The following CSMD2 variants were observed in gnomAD, a reference collection of about 807,000 sequenced individuals.
The protein encoded by CSMD2 is CUB and sushi domain-containing protein 2.
A neutral mutation model predicts 398.5 loss-of-function variants in CSMD2; 130 were observed. The observed-to-expected ratio is 0.33, with a 90% CI of 0.28 to 0.38. CSMD2 has a LOEUF of 0.38. Among genes scored for constraint, CSMD2 ranks in the 10% least tolerant of loss-of-function variants. The pLI, the probability that CSMD2 is intolerant of heterozygous loss-of-function variation, is 1.00. For missense variants in CSMD2, 3,829 were observed against 4,764.9 expected (o/e 0.80, Z 5.78); for synonymous variants, 1,828 against 1,908.5 (o/e 0.96, Z 1.10).
At chr1:33,968,029 C>T in intron 3 of CSMD2, among the ~76,000 whole-genome samples, 1 of 152,158 alleles carries the variant, frequency 6.6e-6, no homozygotes, top group East Asian at 1.9e-4. Context: ...ATTTTCAACC[C>T]CTGGCTAACT....
chr1:33,563,429 C>G (rs1278687097), intron 53 of CSMD2, among the ~76,000 whole-genome samples: 1 of 151,996 alleles, frequency 6.6e-6, no homozygotes, highest in Non-Finnish European at 1.5e-5. Context: ...GTACACAGAG[C>G]AGATGTGTGG....
intron 16 of CSMD2, 77 bp downstream of exon 16, chr1:33,726,470 C>T (rs901215403): frequency 2.0e-6 from 3 of 1,492,458 alleles, no homozygotes; most frequent in African/African-American, 2.8e-5. Flanking sequence ...GTCCCCTATC[C>T]ACCCTGCATT....
chr1:33,756,323 C>T (rs1304007496), intron 13 of CSMD2, among the ~76,000 whole-genome samples: 1 of 152,162 alleles, frequency 6.6e-6, no homozygotes, highest in African/African-American at 2.4e-5. Flanking sequence ...AGTGACGGAG[C>T]ACCTGCTATG....
chr1:34,165,429 G>T (rs1053540151), upstream of CSMD2, among the ~76,000 whole-genome samples: 3 of 152,080 alleles, frequency 2.0e-5, no homozygotes, highest in African/African-American at 7.2e-5. Flanking sequence ...GGGGGGCGGG[G>T]GTTCCTCTTC....
chr1:33,750,241 T>G (rs1408137593), intron 13 of CSMD2, among the ~76,000 whole-genome samples: 2 of 152,056 alleles, frequency 1.3e-5, no homozygotes, highest in Non-Finnish European at 2.9e-5. Context: ...TTAAAACCAT[T>G]GCAAGATCCA....
At chr1:33,888,756 T>TTTTTTTTTGTTGTTG (rs1553244524) in intron 5 of CSMD2, among the ~76,000 whole-genome samples, 16 of 148,938 alleles carry the variant, frequency 1.1e-4, no homozygotes, top group African/African-American at 4.0e-4. Flanking sequence ...TCAACTGATT[T>TTTTTTTTTGTTGTTG]TTGTTGTTGT....
chr1:34,030,507 T>C, intron 3 of CSMD2, among the ~76,000 whole-genome samples: 1 of 152,176 alleles, frequency 6.6e-6, no homozygotes, highest in Non-Finnish European at 1.5e-5. Context: ...TGCTGTATAT[T>C]CTCCCTAGAA....
chr1:34,073,662 A>C (rs1366729279), intron 2 of CSMD2, among the ~76,000 whole-genome samples: 2 of 152,232 alleles, frequency 1.3e-5, no homozygotes, highest in Non-Finnish European at 2.9e-5. Context: ...TTTAAAAGGA[A>C]ATTGAATGAA....
At chr1:34,139,070 C>T (rs1175955797) in intron 1 of CSMD2, among the ~76,000 whole-genome samples, 2 of 152,140 alleles carry the variant, frequency 1.3e-5, no homozygotes, top group South Asian at 4.1e-4. Context: ...TCTTATAAAA[C>T]CACATGCATA....
At chr1:34,042,721 C>A (rs1651996649) in intron 2 of CSMD2, among the ~76,000 whole-genome samples, 2 of 152,174 alleles carry the variant, frequency 1.3e-5, no homozygotes, top group African/African-American at 4.8e-5. Context: ...CCTTGCAAGA[C>A]CTGGCCTGCC....
At chr1:34,134,390 T>G (rs1439776431) in intron 1 of CSMD2, among the ~76,000 whole-genome samples, 1 of 152,236 alleles carries the variant, frequency 6.6e-6, no homozygotes, top group Non-Finnish European at 1.5e-5. Context: ...AACTTCATAT[T>G]TTCATTTCCA....
At chr1:34,050,708 C>T (rs759701517) in intron 2 of CSMD2, among the ~76,000 whole-genome samples, 1 of 152,224 alleles carries the variant, frequency 6.6e-6, no homozygotes, top group Non-Finnish European at 1.5e-5. Context: ...ATAGGAGTAG[C>T]TCCACTTACT....
Position 34,021,568 on chromosome 1 carries a change from C to T in CSMD2, c.517+11026G>A, listed in dbSNP as rs998419674. Reference sequence around the variant, plus strand: ...TCTCTGGGCCCCCCTGCCTTGAGCACGGTTATGGGAGGCAGGGTCAAGCCT... The same window carrying T: ...TCTCTGGGCCCCCCTGCCTTGAGCATGGTTATGGGAGGCAGGGTCAAGCCT... On this transcript the variant is annotated intron_variant, in intron 3 of 70. Transcript: ENST00000373381. Among the ~76,000 whole-genome samples, 10 of 152,278 alleles carry T rather than the reference C, an allele frequency of 6.6e-5. No homozygotes were observed. The East Asian group carries it at 1.4e-3, about 21-fold the overall frequency.
intron 2 of CSMD2, among the ~76,000 whole-genome samples, chr1:34,078,822 C>T (rs1656724181): frequency 6.6e-6 from 1 of 152,216 alleles, no homozygotes; most frequent in East Asian, 1.9e-4. Flanking sequence ...GACTGAAATT[C>T]ACTGCAGACT....
At position 34,089,187 on chromosome 1, in the gene CSMD2, T is replaced by C. The variant is rs780937966; in HGVS notation, c.194A>G (p.Asn65Ser). The part of the protein sequence containing the change: ...LLSVSAAAGQ[N>S]CTFQLHGPNG... Reference sequence around the variant, plus strand: ...GGGACCGTGCAGTTGGAACGTGCAGTTCTGGCCTGGGAAAGAGAAATGGAG... The same window carrying C: ...GGGACCGTGCAGTTGGAACGTGCAGCTCTGGCCTGGGAAAGAGAAATGGAG... Residue 65 changes from asparagine (N) to serine (S), a missense_variant, in exon 2 of 71, where the codon AAC (asparagine) becomes AGC (serine). Physicochemically the swap from Asn to Ser is conservative, Grantham distance 46 (BLOSUM62 1). Around this residue, in one of 5 missense-constraint regions of CSMD2, gnomAD observed 184 missense variants for 217.7 expected, o/e 0.85. Transcript: ENST00000373381. 6.2e-7 allele frequency: 1 copy of C among 1,613,886 alleles called. No homozygotes were observed. The highest frequency in any genetic ancestry group is 1.3e-5 in the African/African-American group (1 of 74,892).
intron 64 of CSMD2, among the ~76,000 whole-genome samples, chr1:33,529,212 C>T (rs187865457): frequency 2.3e-4 from 35 of 152,354 alleles, no homozygotes; most frequent in Admixed American, 2.3e-3. Context: ...GTAATCATAG[C>T]TCACTGTAAC....
At chr1:34,093,024 G>A (rs1225237998) in intron 1 of CSMD2, among the ~76,000 whole-genome samples, 1 of 152,186 alleles carries the variant, frequency 6.6e-6, no homozygotes, top group Non-Finnish European at 1.5e-5. Flanking sequence ...CAGCTTTGAA[G>A]AGAGCAGTGG....
intron 5 of CSMD2, among the ~76,000 whole-genome samples, chr1:33,892,085 G>A (rs1442781071): frequency 4.4e-5 from 4 of 91,756 alleles, no homozygotes; most frequent in African/African-American, 1.2e-4. Flanking sequence ...AAACCCTAAA[G>A]ACACCATCAA....
At chr1:33,780,626 C>T (rs1419717456) in intron 12 of CSMD2, among the ~76,000 whole-genome samples, 1 of 152,234 alleles carries the variant, frequency 6.6e-6, no homozygotes, top group Non-Finnish European at 1.5e-5. Context: ...GAGAGCACAT[C>T]TCACTGACAA....
Sources: gnomAD v4.1 joint callset for allele counts (sites outside exome capture counted in the v4.1 genomes callset) on GRCh38, gnomAD v4.1.1 for gene constraint, gnomAD v4.1.1 regional missense constraint, MANE v1.5 for transcripts, NCBI Gene and HGNC (gene_info 2026-07-23, HGNC 2026-07-21) for gene names.